Variants in EPB41 observed in about 807,000 individuals in gnomAD.
EPB41 encodes the protein protein 4.1.
In EPB41, 65 loss-of-function variants were observed where a neutral mutation model predicts 108.0. The observed-to-expected ratio is 0.60, with a 90% confidence interval of 0.49 to 0.74. The LOEUF is 0.74. Among genes scored for constraint, EPB41 ranks in the 30% least tolerant of loss-of-function variants. EPB41 has a pLI of 0.00. For missense variants in EPB41, 875 were observed against 1,037.0 expected (o/e 0.84, Z 2.15); for synonymous variants, 336 against 358.9 (o/e 0.94, Z 0.72).
At chr1:29,112,534 C>A in intron 19 of EPB41, 86 bp downstream of exon 19, 1 of 1,121,006 alleles carries the variant, frequency 8.9e-7, no homozygotes, top group Non-Finnish European at 1.4e-6. Flanking sequence ...CCATCTTCAT[C>A]TGCAAAAAGC....
intron 1 of EPB41, among the ~76,000 whole-genome samples, chr1:28,929,766 TC>T (rs2093638831): frequency 1.4e-5 from 2 of 138,496 alleles, no homozygotes; most frequent in Non-Finnish European, 3.1e-5. Context: ...ACTCCTGACC[TC>T]AGATGATCTG....
In EPB41 at chr1:29,032,142, G is replaced by T. The variant is rs193160474; in HGVS notation, c.1213-951G>T. Reference sequence around the variant, plus strand: ...AAAAAAGTTGTTCTGGATTATTTTGGGCTGGGTACTACAACTTCTATGAAT... The same window carrying T: ...AAAAAAGTTGTTCTGGATTATTTTGTGCTGGGTACTACAACTTCTATGAAT... On this transcript the variant is annotated intron_variant, in intron 8 of 20. Transcript: ENST00000343067. Among the ~76,000 whole-genome samples, 5 of 151,704 alleles carry T rather than the reference G, an allele frequency of 3.3e-5. No homozygotes were observed. The East Asian group carries it at 9.7e-4, about 29-fold the overall frequency.
chr1:29,022,916 C>G (rs937399105), intron 7 of EPB41, among the ~76,000 whole-genome samples: 1 of 151,904 alleles, frequency 6.6e-6, no homozygotes, highest in African/African-American at 2.4e-5. Context: ...AGCAAAGTTA[C>G]CTTTTCATCA....
At chr1:29,063,004 G>A (rs1350878573) in intron 15 of EPB41, among the ~76,000 whole-genome samples, 1 of 152,138 alleles carries the variant, frequency 6.6e-6, no homozygotes, top group Non-Finnish European at 1.5e-5. Context: ...ACATTAAGAG[G>A]TTAACTAAGA....
At chr1:28,924,964 CTTTTTTT>C (rs879448208) in intron 1 of EPB41, among the ~76,000 whole-genome samples, 2 of 128,334 alleles carry the variant, frequency 1.6e-5, no homozygotes, top group African/African-American at 5.8e-5. Context: ...GCCTGGCTAA[CTTTTTTT>C]TTTTTTTTTT....
intron 1 of EPB41, among the ~76,000 whole-genome samples, chr1:28,929,290 G>A (rs2093610251): frequency 6.7e-6 from 1 of 150,262 alleles, no homozygotes; most frequent in Non-Finnish European, 1.5e-5. Flanking sequence ...CAGTGGCGCT[G>A]TCTCAGCTCA....
chr1:29,057,353 G>A (rs1558180563), intron 12 of EPB41, among the ~76,000 whole-genome samples: 3 of 113,130 alleles, frequency 2.7e-5, no homozygotes, highest in South Asian at 3.0e-4. Context: ...CAGCCTGGGC[G>A]ACAGAGTGAG....
intron 2 of EPB41, chr1:28,989,423 C>T: frequency 1.0e-6 from 1 of 977,874 alleles, no homozygotes; most frequent in African/African-American, 1.7e-5. Context: ...ATATTATCTG[C>T]ATCGTTAAAA....
intron 1 of EPB41, among the ~76,000 whole-genome samples, chr1:28,986,845 T>C (rs905593813): frequency 6.6e-6 from 1 of 152,232 alleles, no homozygotes. Flanking sequence ...AGGAAATTTT[T>C]TGCAGTATTT....
chr1:28,891,078 A>T, intron 1 of EPB41: 2 of 793,966 alleles, frequency 2.5e-6, no homozygotes, highest in Non-Finnish European at 1.5e-6. Context: ...GGGTTTCCCC[A>T]GAGGGGCAGC....
chr1:29,113,556 C>T (rs568282577), intron 19 of EPB41, among the ~76,000 whole-genome samples: 9 of 152,284 alleles, frequency 5.9e-5, no homozygotes, highest in Non-Finnish European at 1.0e-4. Context: ...GCCCCTGCTA[C>T]GTGCTCAGTC....
chr1:28,930,580 G>C (rs954286387), intron 1 of EPB41, among the ~76,000 whole-genome samples: 1 of 151,906 alleles, frequency 6.6e-6, no homozygotes, highest in African/African-American at 2.4e-5. Flanking sequence ...CGCCTCCCAG[G>C]TTTAAGTGAT....
intron 4 of EPB41, among the ~76,000 whole-genome samples, chr1:28,999,740 G>A (rs147613148): frequency 1.3e-5 from 2 of 152,100 alleles, no homozygotes; most frequent in Non-Finnish European, 2.9e-5. Flanking sequence ...CCATTGTTGG[G>A]ATTTATATTC....
intron 1 of EPB41, among the ~76,000 whole-genome samples, chr1:28,933,977 C>G (rs919515161): frequency 1.3e-5 from 2 of 152,018 alleles, no homozygotes; most frequent in Non-Finnish European, 2.9e-5. Context: ...ATATTTTATT[C>G]AGATTTCCTC....
Position 28,887,799 on chromosome 1 carries a change from A to G in EPB41, c.-8+589A>G, listed in dbSNP as rs2089615173. On this transcript the variant is annotated intron_variant, in intron 1 of 16. Transcript: ENST00000347529. The surrounding 1 kb of genome is among the most constrained non-coding windows in gnomAD (Gnocchi z 4.9). ...CCCCCGGCCGTCGCGCCAGCCCCAC[A>G]CCCTCCCTGCCAGGCTTGGTCTAGG... is the stretch of plus-strand genomic sequence containing the variant. 2.1e-6 allele frequency: 1 copy of G among 472,944 alleles called. No individual in the cohort carries two copies. Among genetic ancestry groups the G allele is most frequent in the African/African-American group, 2.1e-5 (1 of 47,112 alleles). The allele number at this position is 472,944 out of a possible 1,614,324, so 29.3% of individuals were successfully genotyped here. A position where few individuals can be genotyped will look rare whatever the true frequency, so the allele number is the denominator to read the frequency against.
In EPB41 at chr1:29,083,101, ACT is replaced by A. The variant is rs376993617; in HGVS notation, c.2185-14703_2185-14702del. On this transcript the variant is annotated intron_variant, in intron 16 of 20. Transcript: ENST00000343067. Reference sequence around the variant, plus strand: ...AGAATAGCAATAGACTGTGAAAATGACTCTGAGTTTCATGGAGAAGCTAGTGA... The same window carrying A: ...AGAATAGCAATAGACTGTGAAAATGACTGAGTTTCATGGAGAAGCTAGTGA... 5.2e-3 allele frequency among the ~76,000 whole-genome samples: 798 copies of A among 152,114 alleles called. 7 individuals carry two copies. Among genetic ancestry groups the A allele is most frequent in the Non-Finnish European group, 8.8e-3 (597 of 67,986 alleles).
intron 4 of EPB41, among the ~76,000 whole-genome samples, chr1:28,999,092 G>A (rs754402578): frequency 2.0e-5 from 3 of 152,110 alleles, no homozygotes; most frequent in African/African-American, 4.8e-5. Flanking sequence ...ATGAATTGGC[G>A]GGGTGTGGTG....
In EPB41 at chr1:29,115,190, C is replaced by T. The variant is rs182545903; in HGVS notation, c.2497-509C>T. Among the ~76,000 whole-genome samples, 5 of 152,062 alleles carry T rather than the reference C, an allele frequency of 3.3e-5. No individual in the cohort carries two copies. The highest frequency in any genetic ancestry group is 2.6e-4 in the Admixed American group (4 of 15,262). On this transcript the variant is annotated intron_variant, in intron 19 of 20. Coordinates refer to ENST00000343067, the MANE Select transcript of EPB41 (RefSeq NM_001376013.1). This position sits in a 1 kb window ranked among gnomAD's most constrained non-coding sequence, Gnocchi z 4.4. ...GGTGGATCATTTGAGGTCAGGAGTT[C>T]GAGACCAGTCTGGCCAACATGGTGA...
chr1:28,997,037 A>G (rs930007450), intron 3 of EPB41, among the ~76,000 whole-genome samples, 178 bp from the exon 4 acceptor site: 1 of 152,062 alleles, frequency 6.6e-6, no homozygotes, highest in Non-Finnish European at 1.5e-5. Context: ...CTGTAGTCCT[A>G]GCTACTCTGG....
Sources: allele counts gnomAD v4.1 joint callset (sites outside exome capture counted in the v4.1 genomes callset), GRCh38; gene constraint gnomAD v4.1.1; non-coding constraint Gnocchi (gnomAD v3.1); transcripts MANE v1.5; gene names NCBI Gene and HGNC (gene_info 2026-07-23, HGNC 2026-07-21).